MECOM: variants seen among roughly 807,000 people sequenced by gnomAD.
MECOM encodes the protein MDS1 and EVI1 complex locus.
In MECOM, 13 loss-of-function variants were observed where a neutral mutation model predicts 116.3. That is an observed-to-expected ratio of 0.11 (90% CI 0.07 to 0.18). The LOEUF (loss-of-function observed/expected upper bound fraction) is 0.18, where lower values mean the gene tolerates loss of function less well. MECOM is among the 10% of genes least tolerant of loss of function. The probability of loss-of-function intolerance (pLI) is 1.00; values close to 1 mark genes in which losing one functional copy is unlikely to be tolerated. For synonymous variants in MECOM, 528 were observed against 535.2 expected (o/e 0.99, Z 0.19); for missense variants, 1,299 against 1,509.0 (o/e 0.86, Z 2.31).
intron 2 of MECOM, among the ~76,000 whole-genome samples, chr3:169,212,636 G>A (rs1711079): frequency 0.72 from 18,559 of 25,784 alleles, 7,146 homozygotes; most frequent in Middle Eastern, 0.93. Flanking sequence ...AGTCAGCAAT[G>A]TATATATATA....
chr3:169,647,437 C>T (rs1429132418), intron 1 of MECOM, among the ~76,000 whole-genome samples: 1 of 152,196 alleles, frequency 6.6e-6, no homozygotes, highest in Non-Finnish European at 1.5e-5. Flanking sequence ...AAGTAAATAG[C>T]TGGCCAATGC....
chr3:169,191,764 A>C (rs1233664116), intron 2 of MECOM, among the ~76,000 whole-genome samples: 3 of 126,700 alleles, frequency 2.4e-5, no homozygotes, highest in Non-Finnish European at 1.6e-5. Context: ...GAAAGAAAGA[A>C]AGAAAGAAAG....
intron 1 of MECOM, among the ~76,000 whole-genome samples, chr3:169,400,004 A>C (rs2115959): frequency 0.57 from 87,112 of 151,930 alleles, 25,384 homozygotes; most frequent in East Asian, 0.9. Flanking sequence ...ATAAATACTC[A>C]ACATTCTATT....
intron 1 of MECOM, among the ~76,000 whole-genome samples, chr3:169,415,392 A>G (rs567896493): frequency 9.2e-5 from 14 of 152,216 alleles, no homozygotes; most frequent in Non-Finnish European, 1.6e-4. Context: ...AGCACTAAAT[A>G]TAGAAAGAAA....
At chr3:169,169,468 C>A (rs554979088) in intron 2 of MECOM, among the ~76,000 whole-genome samples, 1 of 152,220 alleles carries the variant, frequency 6.6e-6, no homozygotes, top group South Asian at 2.1e-4. Context: ...ATGTTCTTTG[C>A]AGACATTCCA....
At chr3:169,106,376 G>A (rs944067600) in intron 10 of MECOM, among the ~76,000 whole-genome samples, 1 of 151,988 alleles carries the variant, frequency 6.6e-6, no homozygotes, top group Admixed American at 6.6e-5. Flanking sequence ...GGCATACAAC[G>A]TGAAATAATC....
At chr3:169,605,968 G>C (rs989585684) in intron 1 of MECOM, among the ~76,000 whole-genome samples, 2 of 152,154 alleles carry the variant, frequency 1.3e-5, no homozygotes, top group East Asian at 3.9e-4. Flanking sequence ...AAAGAAACCA[G>C]AACCTGAAAA....
chr3:169,592,011 T>C (rs1050511387), intron 1 of MECOM, among the ~76,000 whole-genome samples: 1 of 152,184 alleles, frequency 6.6e-6, no homozygotes, highest in African/African-American at 2.4e-5. Context: ...TGTGGCTGTT[T>C]ACACTTTCAG....
intron 2 of MECOM, among the ~76,000 whole-genome samples, chr3:169,211,298 C>T (rs1222270114): frequency 2.0e-5 from 3 of 151,868 alleles, no homozygotes; most frequent in African/African-American, 7.3e-5. Context: ...GACATGATCT[C>T]AATGATGAGA....
intron 1 of MECOM, among the ~76,000 whole-genome samples, chr3:169,535,412 A>C (rs961797691): frequency 6.6e-6 from 1 of 152,194 alleles, no homozygotes; most frequent in African/African-American, 2.4e-5. Flanking sequence ...AATCCATGAA[A>C]GGCAAACATG....
At chr3:169,593,630 A>G in intron 1 of MECOM, among the ~76,000 whole-genome samples, 1 of 152,136 alleles carries the variant, frequency 6.6e-6, no homozygotes, top group African/African-American at 2.4e-5. Flanking sequence ...GGAGTCCCAC[A>G]ATGATTCTCT....
intron 5 of MECOM, among the ~76,000 whole-genome samples, chr3:169,125,884 A>G (rs1163323904): frequency 6.6e-6 from 1 of 152,116 alleles, no homozygotes; most frequent in Admixed American, 6.6e-5. Context: ...TAGACAGCAG[A>G]AGAACAGATC....
intron 2 of MECOM, among the ~76,000 whole-genome samples, chr3:169,150,544 G>C (rs191714510): frequency 1.3e-5 from 2 of 152,190 alleles, no homozygotes; most frequent in Non-Finnish European, 1.5e-5. Flanking sequence ...TCTCAAACCA[G>C]CTTTAATTTG....
chr3:169,642,402 G>T (rs192392780), intron 1 of MECOM, among the ~76,000 whole-genome samples: 4 of 149,368 alleles, frequency 2.7e-5, no homozygotes, highest in Non-Finnish European at 5.9e-5. Flanking sequence ...AGCCGAGATC[G>T]CGCCACTGCC....
chr3:169,321,906 A>T (rs989243535), intron 2 of MECOM, among the ~76,000 whole-genome samples: 1 of 152,182 alleles, frequency 6.6e-6, no homozygotes, highest in Non-Finnish European at 1.5e-5. Flanking sequence ...ATGAAACTGG[A>T]TTTCTTTCTG....
In MECOM at chr3:169,121,146, G is replaced by A; in HGVS notation, c.1042C>T (p.His348Tyr). The A allele has an allele frequency of 6.2e-7, 1 of 1,613,584 alleles. No homozygotes were observed. The highest frequency in any genetic ancestry group is 8.5e-7 in the Non-Finnish European group (1 of 1,179,814). The change falls in exon 7 of 17, where the codon CAT becomes TAT. Residue 348 changes from histidine (H) to tyrosine (Y), a missense_variant. By Grantham distance (83) the His-to-Tyr change is moderately conservative. Coordinates refer to ENST00000651503, the MANE Select transcript of MECOM (RefSeq NM_004991.4). ...GTTTTGCCACACTCCGGGCATGCAT[G>A]GGCCCGGGCACCGACATGCTGAGAG... ...IRSQHVGARA[H>Y]ACPECGKTFA... is the part of the protein sequence containing the mutation.
intron 2 of MECOM, among the ~76,000 whole-genome samples, chr3:169,180,779 TG>T (rs1745842310): frequency 1.1e-5 from 1 of 94,564 alleles, no homozygotes; most frequent in African/African-American, 3.9e-5. Context: ...TATGTATGTG[TG>T]TGTGTGTGGA....
intron 1 of MECOM, among the ~76,000 whole-genome samples, chr3:169,468,350 C>G (rs1309715799): frequency 6.6e-6 from 1 of 152,152 alleles, no homozygotes; most frequent in Non-Finnish European, 1.5e-5. Context: ...CATGTTCTCT[C>G]TTTTATGTGT....
At chr3:169,515,289 T>A (rs1756487707) in intron 1 of MECOM, among the ~76,000 whole-genome samples, 1 of 152,182 alleles carries the variant, frequency 6.6e-6, no homozygotes, top group African/African-American at 2.4e-5. Flanking sequence ...CCCAACTCAC[T>A]CACTCCATTG....
Sources: gnomAD v4.1 joint callset for allele counts (sites outside exome capture counted in the v4.1 genomes callset) on GRCh38, gnomAD v4.1.1 for gene constraint, MANE v1.5 for transcripts, NCBI Gene and HGNC (gene_info 2026-07-23, HGNC 2026-07-21) for gene names.